Variants in TTC14 observed in about 807,000 individuals in gnomAD.
The protein encoded by TTC14 is tetratricopeptide repeat protein 14.
A neutral mutation model predicts 79.9 loss-of-function variants in TTC14; 63 were observed. That is an observed-to-expected ratio of 0.79 (90% CI 0.64 to 0.97). TTC14 has a LOEUF of 0.97. Among genes scored for constraint, TTC14 ranks in the 50% least tolerant of loss-of-function variants. The pLI, the probability that TTC14 is intolerant of heterozygous loss-of-function variation, is 0.00. For missense variants in TTC14, 895 were observed against 894.0 expected, an observed-to-expected ratio of 1.00 and a Z score of -0.01; for synonymous variants, 335 against 309.6, an observed-to-expected ratio of 1.08 and a Z score of -0.86.
rs1029000949 is a variant in TTC14, at chr3:180,603,337, G to T, written c.486+14G>T. ...TTAGAAATCACAGTAAGTTATTTTT[G>T]TTACTTGGATTGCTTCTGTTTTTGT... On this transcript the variant is annotated intron_variant, in intron 3 of 11. Transcript: ENST00000296015. The T allele has an allele frequency of 6.2e-7, 1 of 1,607,692 alleles. No homozygotes were observed. Among genetic ancestry groups the T allele is most frequent in the East Asian group, 2.2e-5 (1 of 44,794 alleles).
chr3:180,609,242 T>TC, intron 11 of TTC14: 37 of 606,920 alleles, frequency 6.1e-5, no homozygotes, highest in Non-Finnish European at 7.6e-5. Flanking sequence ...ACAGGTCAGC[T>TC]CCCACCCGCA....
Position 180,602,193 on chromosome 3 carries a change from G to T in TTC14, c.-69G>T, listed in dbSNP as rs1532485. ...GTTTCTTCCGCTTCCTGTACCACCC[G>T]GCTCAAGTAGCGGACACGGAACAGG... On this transcript the variant is annotated 5_prime_UTR_variant, in exon 1 of 12. Coordinates refer to ENST00000296015, the MANE Select transcript of TTC14 (RefSeq NM_133462.4). 154,872 of 1,575,290 alleles carry T rather than the reference G, an allele frequency of 0.098. 8,216 individuals are homozygous for T. Among genetic ancestry groups the T allele is most frequent in the Admixed American group, 0.13 (7,588 of 56,482 alleles).
At chr3:180,617,484 C>A in exon 13 of TTC14, 1 of 685,138 alleles carries the variant, frequency 1.5e-6, no homozygotes, top group Non-Finnish European at 2.7e-6. Flanking sequence ...CAGCTCCATT[C>A]ATGTTACTGA....
At chr3:180,616,959 T>C (rs764829108) in intron 12 of TTC14, 1 of 1,376,288 alleles carries the variant, frequency 7.3e-7, no homozygotes, top group Non-Finnish European at 9.9e-7. Flanking sequence ...TAATGTATTT[T>C]CCATGCTCTG....
intron 3 of TTC14, 49 bp from the exon 4 acceptor site, chr3:180,604,176 C>T: frequency 6.7e-7 from 1 of 1,498,562 alleles, no homozygotes; most frequent in Non-Finnish European, 9.3e-7. Flanking sequence ...AGACACTGTT[C>T]TTATCAAAGC....
chr3:180,602,544 C>A, intron 1 of TTC14, 122 bp downstream of exon 1: 1 of 1,321,844 alleles, frequency 7.6e-7, no homozygotes, highest in Non-Finnish European at 1.0e-6. Context: ...AGGACGATCG[C>A]GCGCTGGTGT....
chr3:180,608,504 G>T, intron 10 of TTC14, 197 bp from the exon 11 acceptor site: 1 of 1,162,918 alleles, frequency 8.6e-7, no homozygotes, highest in African/African-American at 1.6e-5. Context: ...ATGCTGTTCT[G>T]GCCATTTCAA....
intron 1 of TTC14, 148 bp downstream of exon 1, chr3:180,602,570 CG>C (rs1716425279): frequency 1.8e-6 from 2 of 1,110,296 alleles, no homozygotes; most frequent in Non-Finnish European, 2.5e-6. Flanking sequence ...GCTGGGTGGA[CG>C]GGGGGCGCTC....
intron 11 of TTC14, chr3:180,609,343 A>T: frequency 9.5e-7 from 1 of 1,051,834 alleles, no homozygotes; most frequent in Non-Finnish European, 1.1e-6. Flanking sequence ...AAAAAAGTTG[A>T]GTTCTCCTTT....
At position 180,610,991 on chromosome 3, in the gene TTC14, G is replaced by C. The variant is rs1475091380; in HGVS notation, c.*449G>C. On this transcript the variant is annotated 3_prime_UTR_variant, in exon 12 of 12. Transcript: ENST00000296015. ...CTTTTGAAAGATTATATGTTCGAAT[G>C]TTTCTTGAACACTTTTATATTTATC... is the stretch of plus-strand genomic sequence containing the variant. 6.4e-6 allele frequency: 6 copies of C among 941,454 alleles called. No homozygotes were observed. The allele number at this position is 941,454 out of a possible 1,614,324, so 58.3% of individuals were successfully genotyped here. A position where few individuals can be genotyped will look rare whatever the true frequency, so the allele number is the denominator to read the frequency against.
At chr3:180,617,558 C>T (rs1219208254) in exon 13 of TTC14, 1 of 592,552 alleles carries the variant, frequency 1.7e-6, no homozygotes, top group East Asian at 2.9e-5. Context: ...ATGATCCTGA[C>T]CACGGGTAGG....
downstream of TTC14, among the ~76,000 whole-genome samples, chr3:180,612,085 T>C (rs1032503660): frequency 1.3e-5 from 2 of 151,692 alleles, no homozygotes; most frequent in Admixed American, 6.5e-5. Context: ...GAAGCTTCTT[T>C]AAGAAATTCA....
intron 9 of TTC14, 135 bp from the exon 10 acceptor site, chr3:180,607,513 T>C: frequency 7.8e-7 from 1 of 1,289,744 alleles, no homozygotes; most frequent in Non-Finnish European, 1.0e-6. Flanking sequence ...GCATATTATT[T>C]TGGTATTTTA....
At chr3:180,608,567 G>A in intron 10 of TTC14, 134 bp from the exon 11 acceptor site, 2 of 1,297,634 alleles carry the variant, frequency 1.5e-6, no homozygotes, top group Non-Finnish European at 2.0e-6. Context: ...AAAAAATACT[G>A]TTTAATGCTG....
chr3:180,605,808 AAAAC>A lies in TTC14; in HGVS notation c.903_906del (p.Lys301AsnfsTer7). 6.4e-7 allele frequency: 1 copy of A among 1,572,540 alleles called. No individual in the cohort carries two copies. The highest frequency in any genetic ancestry group is 8.6e-7 in the Non-Finnish European group (1 of 1,168,780). On this transcript the variant is annotated frameshift_variant, in exon 7 of 12. Transcript: ENST00000296015. LOFTEE classifies it high-confidence loss of function. ...ATGATTTTGCTTCTGCATTGAGAAA[AAAAC>A]AATCCGCATCTTGGGCTTTAAAATG...
chr3:180,611,649 A>ATTCT (rs1253109742), downstream of TTC14, among the ~76,000 whole-genome samples: 2 of 152,224 alleles, frequency 1.3e-5, no homozygotes, highest in African/African-American at 2.4e-5. Flanking sequence ...AGTGTGGTAT[A>ATTCT]TTCTTTGGGA....
intron 11 of TTC14, 90 bp downstream of exon 11, chr3:180,608,900 T>G (rs1716839583): frequency 7.8e-7 from 1 of 1,277,164 alleles, no homozygotes; most frequent in African/African-American, 1.5e-5. Context: ...AATAAAAATA[T>G]GAAAGTATTT....
Position 180,604,472 on chromosome 3 carries a change from C to G in TTC14, c.572-6C>G, listed in dbSNP as rs768838468. On this transcript the variant is annotated splice_polypyrimidine_tract_variant and splice_region_variant and intron_variant, in intron 4 of 11. Transcript: ENST00000296015. ...TCAGCTTAGTTCTCTTTTTTTTTTT[C>G]TTAAGCTGGAATCAAGGATATTGAC... 2 of 1,454,404 alleles carry G rather than the reference C, an allele frequency of 1.4e-6. No homozygotes were observed. The highest frequency in any genetic ancestry group is 2.8e-5 in the South Asian group (2 of 72,638). The allele number at this position is 1,454,404 out of a possible 1,614,324, so 90.1% of individuals were successfully genotyped here.
At chr3:180,613,979 A>G, downstream of TTC14, 1 of 382,340 alleles carries the variant, frequency 2.6e-6, no homozygotes, top group South Asian at 2.0e-5. Context: ...ATTTTTTCCC[A>G]AGGTTTGAAG....
Sources: allele counts gnomAD v4.1 joint callset (sites outside exome capture counted in the v4.1 genomes callset), GRCh38; gene constraint gnomAD v4.1.1; transcripts MANE v1.5; gene names NCBI Gene and HGNC (gene_info 2026-07-23, HGNC 2026-07-21).